The following NUAK2 variants were observed in gnomAD, a reference collection of about 807,000 sequenced individuals.
NUAK2 encodes the protein NUAK family kinase 2.
Under a neutral mutation model 29.8 loss-of-function variants are expected in NUAK2, and 20 were observed. That is an observed-to-expected ratio of 0.67 (90% CI 0.47 to 0.98). NUAK2 has a LOEUF of 0.98. NUAK2 is among the 50% of genes least tolerant of loss of function. The pLI, the probability that NUAK2 is intolerant of heterozygous loss-of-function variation, is 0.00. For synonymous variants in NUAK2, 331 were observed against 342.6 expected (o/e 0.97, Z 0.37); for missense variants, 719 against 834.5 (o/e 0.86, Z 1.71).
chr1:205,314,183 AAC>A (rs1226484646), intron 1 of NUAK2, among the ~76,000 whole-genome samples: 27 of 152,232 alleles, frequency 1.8e-4, no homozygotes, highest in Admixed American at 1.7e-3. Context: ...TCACCCCGGC[AAC>A]GGGCCAGGGA....
rs1001115106 is a variant in NUAK2, at chr1:205,308,391, C to T, written c.505-161G>A. Among the ~76,000 whole-genome samples the T allele has an allele frequency of 4.6e-5, 7 of 152,040 alleles. No individual in the cohort carries two copies. Among genetic ancestry groups the T allele is most frequent in the Non-Finnish European group, 1.0e-4 (7 of 68,002 alleles). On this transcript the variant is annotated intron_variant, in intron 3 of 6. Coordinates refer to ENST00000367157, the MANE Select transcript of NUAK2 (RefSeq NM_030952.3). This position sits in a 1 kb window ranked among gnomAD's most constrained non-coding sequence, Gnocchi z 4.1. Reference sequence around the variant, plus strand: ...TATCGGTATGTGCTGCAAGAAATCACGGGCCCTTCTATCCGCGGAGAAGGG... The same window carrying T: ...TATCGGTATGTGCTGCAAGAAATCATGGGCCCTTCTATCCGCGGAGAAGGG...
chr1:205,316,278 G>T (rs1351409120), intron 1 of NUAK2, among the ~76,000 whole-genome samples: 1 of 152,238 alleles, frequency 6.6e-6, no homozygotes, highest in African/African-American at 2.4e-5. Flanking sequence ...CCAGTCATCT[G>T]CTGAGTGCCT....
chr1:205,316,847 G>A (rs1202379326), intron 1 of NUAK2, among the ~76,000 whole-genome samples: 1 of 152,170 alleles, frequency 6.6e-6, no homozygotes, highest in Non-Finnish European at 1.5e-5. Context: ...CATTGGAAAA[G>A]GCAGCAGGGT....
intron 1 of NUAK2, among the ~76,000 whole-genome samples, chr1:205,315,266 A>C (rs11240410): frequency 0.41 from 61,609 of 152,098 alleles, 13,207 homozygotes; most frequent in African/African-American, 0.52. Context: ...CCTATCCTGG[A>C]CCCACAGGAG....
chr1:205,312,323 G>A (rs537019143), intron 1 of NUAK2, among the ~76,000 whole-genome samples: 100 of 152,312 alleles, frequency 6.6e-4, no homozygotes, highest in Non-Finnish European at 1.2e-3. Context: ...TACAGGTGAA[G>A]AAACTGGGAC....
chr1:205,305,428 C>T, intron 5 of NUAK2, 97 bp from the exon 6 acceptor site: 2 of 1,490,814 alleles, frequency 1.3e-6, no homozygotes, highest in Non-Finnish European at 1.8e-6. Context: ...GAGGACGACC[C>T]ACCTCTCCTA....
intron 1 of NUAK2, among the ~76,000 whole-genome samples, chr1:205,320,600 A>C (rs1314126426): frequency 6.6e-6 from 1 of 152,184 alleles, no homozygotes; most frequent in East Asian, 1.9e-4. Context: ...GAGCAATATA[A>C]GTTCATATTT....
Position 205,304,264 on chromosome 1 carries a change from G to A in NUAK2, c.1073C>T (p.Ala358Val), listed in dbSNP as rs1360983431. 1 of 1,613,940 alleles carries A rather than the reference G, an allele frequency of 6.2e-7. No individual in the cohort carries two copies. The highest frequency in any genetic ancestry group is 8.5e-7 in the Non-Finnish European group (1 of 1,179,980). Residue 358 changes from alanine (A) to valine (V), a missense_variant, in exon 7 of 7, where the codon GCA becomes GTA. Ala to Val is a moderately conservative substitution (Grantham distance 64, BLOSUM62 0). Around this residue, in one of 3 missense-constraint regions of NUAK2, gnomAD observed 430 missense variants for 465.7 expected, o/e 0.92. Transcript: ENST00000367157. The surrounding 1 kb of genome is among the most constrained non-coding windows in gnomAD (Gnocchi z 6.5). ...AKVCSFFKQH[A>V]PGGGSTTPGL... ...AGGGGTGGTGCTTCCCCCACCAGGT[G>A]CATGCTGCTTGAAGAAGCTGCACAC...
chr1:205,305,009 G>C (rs1662159040), intron 6 of NUAK2, among the ~76,000 whole-genome samples, 190 bp downstream of exon 6: 1 of 152,228 alleles, frequency 6.6e-6, no homozygotes, highest in Non-Finnish European at 1.5e-5. Flanking sequence ...GCCCCTGTGG[G>C]AAAGAAAGAG....
rs1662132531 is a variant in NUAK2, at chr1:205,303,938, C to T, written c.1399G>A (p.Glu467Lys). Residue 467 changes from glutamate to lysine, a missense_variant, in exon 7 of 7, where the codon GAA (glutamate) becomes AAA (lysine). Glu to Lys is a moderately conservative substitution (Grantham distance 56). Transcript: ENST00000367157. The stretch of plus-strand genomic sequence containing the variant: ...CCTGCGTCCAAGAGCTCCCCAGATT[C>T]ACTGGGCTCGGGAGAGGAGTAGTAG... The part of the protein sequence containing the change: ...SGYYSSPEPS[E>K]SGELLDAGDV... 6.2e-7 allele frequency: 1 copy of T among 1,614,040 alleles called. No individual in the cohort carries two copies. Among genetic ancestry groups the T allele is most frequent in the Admixed American group, 1.7e-5 (1 of 60,028 alleles).
intron 5 of NUAK2, 134 bp from the exon 6 acceptor site, chr1:205,305,465 AG>A: frequency 7.0e-7 from 1 of 1,435,152 alleles, no homozygotes; most frequent in Non-Finnish European, 9.1e-7. Flanking sequence ...GGGATGCTGC[AG>A]AAGGGGTCTG....
At chr1:205,311,638 T>C (rs1662258638) in intron 2 of NUAK2, 67 bp downstream of exon 2, 6 of 1,589,214 alleles carry the variant, frequency 3.8e-6, no homozygotes, top group Non-Finnish European at 5.2e-6. Context: ...CACATGTACA[T>C]ACGCATGTGA....
rs764215263 is a variant in NUAK2, at chr1:205,308,752, G to C, written c.353-20C>G. Reference sequence around the variant, plus strand: ...CAAACACTGGGCAGAGCAAGGCAAGGAACGTCAGGCCCTCCCAGAGTGCAC... The same window carrying C: ...CAAACACTGGGCAGAGCAAGGCAAGCAACGTCAGGCCCTCCCAGAGTGCAC... On this transcript the variant is annotated intron_variant, in intron 2 of 6. Coordinates refer to ENST00000367157, the MANE Select transcript of NUAK2 (RefSeq NM_030952.3). The surrounding 1 kb of genome is among the most constrained non-coding windows in gnomAD (Gnocchi z 4.1). 1.2e-6 allele frequency: 2 copies of C among 1,611,636 alleles called. No individual in the cohort carries two copies. Among genetic ancestry groups the C allele is most frequent in the Admixed American group, 3.3e-5 (2 of 59,998 alleles).
intron 1 of NUAK2, among the ~76,000 whole-genome samples, chr1:205,313,539 G>A (rs2102256169): frequency 6.6e-6 from 1 of 152,304 alleles, no homozygotes; most frequent in African/African-American, 2.4e-5. Flanking sequence ...CTCAGCAGCA[G>A]CTCCTGGACA....
intron 1 of NUAK2, among the ~76,000 whole-genome samples, chr1:205,312,851 C>G (rs1662274641): frequency 6.6e-6 from 1 of 152,026 alleles, no homozygotes; most frequent in Non-Finnish European, 1.5e-5. Context: ...TGTGGTACGT[C>G]CATAGGATGG....
intron 1 of NUAK2, 77 bp downstream of exon 1, chr1:205,321,321 G>T: frequency 7.6e-7 from 1 of 1,317,316 alleles, no homozygotes; most frequent in Non-Finnish European, 1.0e-6. Flanking sequence ...CGAGCGAGCC[G>T]CCGCCCGCCC....
At chr1:205,313,586 G>A (rs185522784) in intron 1 of NUAK2, among the ~76,000 whole-genome samples, 11 of 152,162 alleles carry the variant, frequency 7.2e-5, no homozygotes, top group Middle Eastern at 6.8e-3. Context: ...GGCCTGAGGC[G>A]CGGAGCTGGG....
At chr1:205,305,164 A>T (rs1662161741) in intron 6 of NUAK2, 35 bp downstream of exon 6, 1 of 1,606,842 alleles carries the variant, frequency 6.2e-7, no homozygotes, top group Non-Finnish European at 8.5e-7. Context: ...AGGACACCCC[A>T]GGCCTGGATA....
chr1:205,313,343 C>T (rs1042206648), intron 1 of NUAK2, among the ~76,000 whole-genome samples: 35 of 152,144 alleles, frequency 2.3e-4, no homozygotes, highest in African/African-American at 7.9e-4. Context: ...CTTGCTATCT[C>T]AGGGCTTGCT....
Sources: allele counts gnomAD v4.1 joint callset (sites outside exome capture counted in the v4.1 genomes callset), GRCh38; gene constraint gnomAD v4.1.1; regional missense constraint gnomAD v4.1.1; non-coding constraint Gnocchi (gnomAD v3.1); transcripts MANE v1.5; gene names NCBI Gene and HGNC (gene_info 2026-07-23, HGNC 2026-07-21).